Variants in SPIDR observed in about 807,000 individuals in gnomAD.
SPIDR encodes the protein scaffold protein involved in DNA repair.
SPIDR carries 93 observed loss-of-function variants against 104.6 expected under a neutral mutation model. That is an observed-to-expected ratio of 0.89 (90% CI 0.75 to 1.06). SPIDR has a LOEUF of 1.06. Ranked by LOEUF, SPIDR falls within the 50% of genes least tolerant of loss-of-function variation. The probability of loss-of-function intolerance (pLI) is 0.00; values close to 1 mark genes in which losing one functional copy is unlikely to be tolerated. For missense variants in SPIDR, 1,154 were observed against 1,111.2 expected, an observed-to-expected ratio of 1.04 and a Z score of -0.55; for synonymous variants, 431 against 416.9, an observed-to-expected ratio of 1.03 and a Z score of -0.41.
intron 3 of SPIDR, among the ~76,000 whole-genome samples, chr8:47,290,262 C>T (rs918290065): frequency 8.4e-4 from 127 of 152,046 alleles, no homozygotes; most frequent in African/African-American, 2.4e-3. Context: ...AGGCTGGTCT[C>T]GATTATATAA....
intron 8 of SPIDR, among the ~76,000 whole-genome samples, chr8:47,496,525 T>C (rs2079464363): frequency 6.6e-6 from 1 of 152,186 alleles, no homozygotes; most frequent in South Asian, 2.1e-4. Flanking sequence ...AAGCAACCTA[T>C]GATTCGTGGT....
At chr8:47,293,089 C>T (rs1277195017) in intron 4 of SPIDR, among the ~76,000 whole-genome samples, 1 of 151,892 alleles carries the variant, frequency 6.6e-6, no homozygotes, top group African/African-American at 2.4e-5. Context: ...GCATCTGCTT[C>T]TCTCAGTGGT....
chr8:47,502,232 G>C (rs997598716), intron 8 of SPIDR, among the ~76,000 whole-genome samples: 4 of 152,292 alleles, frequency 2.6e-5, no homozygotes, highest in Admixed American at 2.6e-4. Context: ...GCTCCTCCTT[G>C]TACCTCTGAT....
chr8:47,705,709 A>G (rs764914161), intron 14 of SPIDR, among the ~76,000 whole-genome samples: 5 of 152,008 alleles, frequency 3.3e-5, no homozygotes, highest in Non-Finnish European at 7.4e-5. Flanking sequence ...TTCCAGACCA[A>G]CCTGGTCAAC....
chr8:47,615,898 A>G (rs1395650040), intron 10 of SPIDR, among the ~76,000 whole-genome samples: 2 of 151,962 alleles, frequency 1.3e-5, no homozygotes, highest in African/African-American at 2.4e-5. Context: ...TACAAGTCTT[A>G]TATTTCCTTA....
chr8:47,565,981 TATATATA>T (rs2057749265), intron 8 of SPIDR, among the ~76,000 whole-genome samples: 2 of 46,296 alleles, frequency 4.3e-5, no homozygotes, highest in Non-Finnish European at 1.1e-4. Flanking sequence ...CATATATATA[TATATATA>T]TATATTTTTT....
chr8:47,534,299 A>G (rs535620573), intron 8 of SPIDR, among the ~76,000 whole-genome samples: 5 of 152,376 alleles, frequency 3.3e-5, no homozygotes, highest in Non-Finnish European at 7.3e-5. Flanking sequence ...CTAGAGGAAT[A>G]TAAATCATTA....
intron 11 of SPIDR, among the ~76,000 whole-genome samples, chr8:47,691,682 C>A (rs776017493): frequency 2.6e-5 from 4 of 152,242 alleles, no homozygotes; most frequent in Non-Finnish European, 5.9e-5. Context: ...CTGCCACAAA[C>A]CCTTGGCCCA....
intron 7 of SPIDR, among the ~76,000 whole-genome samples, chr8:47,414,209 C>T (rs782477126): frequency 6.6e-6 from 1 of 152,146 alleles, no homozygotes; most frequent in Non-Finnish European, 1.5e-5. Context: ...ACATAGAATT[C>T]ACTAGGCGTT....
At chr8:47,302,887 A>G (rs1458839531) in intron 5 of SPIDR, among the ~76,000 whole-genome samples, 1 of 152,114 alleles carries the variant, frequency 6.6e-6, no homozygotes, top group African/African-American at 2.4e-5. Flanking sequence ...AGGCTACTCG[A>G]GGGTCAGGGA....
intron 17 of SPIDR, among the ~76,000 whole-genome samples, chr8:47,727,539 CT>C (rs2084443263): frequency 2.0e-5 from 3 of 152,154 alleles, no homozygotes; most frequent in Non-Finnish European, 4.4e-5. Context: ...TCCCCACCTC[CT>C]TTATTATCAG....
At position 47,648,746 on chromosome 8, in the gene SPIDR, A is replaced by C. The variant is rs78420738; in HGVS notation, c.1545-25055A>C. Among the ~76,000 whole-genome samples, 786 of 152,336 alleles carry C rather than the reference A, an allele frequency of 5.2e-3. 7 individuals are homozygous for C. Among genetic ancestry groups the C allele is most frequent in the African/African-American group, 0.018 (747 of 41,584 alleles). On this transcript the variant is annotated intron_variant, in intron 10 of 19. Transcript: ENST00000297423. ...TCAAAGAATGATGGGGACATCAAAA[A>C]GAAAAAGGACACCGAAGCTAGCTTG...
rs759717965 is a variant in SPIDR, at chr8:47,732,180, T to A, written c.2604+2715T>A. ...GAAATCCTCCTTCCTTCACTTGGTT[T>A]CCTTCTGGCTAAGGTGCTTGTTCCT... is the stretch of plus-strand genomic sequence containing the variant. On this transcript the variant is annotated intron_variant, in intron 19 of 19. Coordinates refer to ENST00000297423, the MANE Select transcript of SPIDR (RefSeq NM_001080394.4). 42 of 702,530 alleles carry A rather than the reference T, an allele frequency of 6.0e-5. No individual in the cohort carries two copies. In the Middle Eastern group the frequency reaches 9.1e-4, roughly 15 times the overall value. 43.5% of individuals were successfully genotyped at this position (702,530 alleles called of 1,614,324 possible).
intron 1 of SPIDR, among the ~76,000 whole-genome samples, chr8:47,272,044 G>A (rs1329868947): frequency 2.6e-5 from 4 of 151,866 alleles, no homozygotes; most frequent in African/African-American, 4.8e-5. Context: ...GCACGATCTC[G>A]GTTCACTGCA....
chr8:47,664,517 C>T (rs548068910), intron 10 of SPIDR, among the ~76,000 whole-genome samples: 1 of 152,236 alleles, frequency 6.6e-6, no homozygotes, highest in South Asian at 2.1e-4. Context: ...AATAGAAATT[C>T]TGTTGTTGAA....
intron 5 of SPIDR, among the ~76,000 whole-genome samples, chr8:47,313,223 C>CA (rs1230995999): frequency 2.6e-5 from 4 of 152,154 alleles, no homozygotes; most frequent in African/African-American, 7.2e-5. Flanking sequence ...TCTCAGGATA[C>CA]AAAATCAATT....
rs558888068 is a variant in SPIDR at position 47,654,736 on chromosome 8, T to A, written c.1545-19065T>A. Among the ~76,000 whole-genome samples, 28 of 152,322 alleles carry A rather than the reference T, an allele frequency of 1.8e-4. 1 individual carries two copies. Among genetic ancestry groups the A allele is most frequent in the African/African-American group, 6.5e-4 (27 of 41,578 alleles). On this transcript the variant is annotated intron_variant, in intron 10 of 19. Transcript: ENST00000297423. ...CTGGCATGATATATATGTTCTTTTT[T>A]TATATATACTTTAAGTTTTAGGGTA...
At chr8:47,579,063 A>C (rs1369621319) in intron 8 of SPIDR, among the ~76,000 whole-genome samples, 2 of 152,216 alleles carry the variant, frequency 1.3e-5, no homozygotes, top group Non-Finnish European at 2.9e-5. Context: ...TTATTAGAGT[A>C]AATCTGATTT....
chr8:47,407,650 T>C (rs529865394), intron 6 of SPIDR, among the ~76,000 whole-genome samples: 1 of 152,334 alleles, frequency 6.6e-6, no homozygotes, highest in African/African-American at 2.4e-5. Flanking sequence ...AGCCCATATT[T>C]CTAAGAATCA....
Sources: allele counts gnomAD v4.1 joint callset (sites outside exome capture counted in the v4.1 genomes callset), GRCh38; gene constraint gnomAD v4.1.1; transcripts MANE v1.5; gene names NCBI Gene and HGNC (gene_info 2026-07-23, HGNC 2026-07-21).